ATP10A: variants seen among roughly 807,000 people sequenced by gnomAD.
The protein encoded by ATP10A is phospholipid-transporting ATPase VA.
A neutral mutation model predicts 147.8 loss-of-function variants in ATP10A; 111 were observed. The ratio of observed to expected loss-of-function variants is 0.75; its 90% CI spans 0.64 to 0.88. The LOEUF is 0.88. ATP10A is among the 40% of genes least tolerant of loss of function. ATP10A has a pLI of 0.00. For missense variants in ATP10A, 1,927 were observed against 1,959.0 expected (o/e 0.98, Z 0.31); for synonymous variants, 875 against 841.6 (o/e 1.04, Z -0.69).
At chr15:25,715,352 G>A (rs1901733105) in intron 9 of ATP10A, among the ~76,000 whole-genome samples, 1 of 152,208 alleles carries the variant, frequency 6.6e-6, no homozygotes, top group South Asian at 2.1e-4. Flanking sequence ...ACCAATATGT[G>A]GGAATAGAAA....
At chr15:25,727,084 AAAG>A (rs1212607885) in intron 4 of ATP10A, 73 bp downstream of exon 4, 1 of 1,178,696 alleles carries the variant, frequency 8.5e-7, no homozygotes, top group Non-Finnish European at 1.2e-6. Context: ...AGAAAAAAGA[AAAG>A]AAAACAGTGA....
chr15:25,743,178 A>G (rs1021961120), intron 2 of ATP10A, among the ~76,000 whole-genome samples: 7 of 152,194 alleles, frequency 4.6e-5, no homozygotes, highest in Admixed American at 1.3e-4. Context: ...CCATACTACT[A>G]TTTTAGAGGC....
At chr15:25,809,707 G>A (rs752901893) in intron 1 of ATP10A, among the ~76,000 whole-genome samples, 4 of 101,384 alleles carry the variant, frequency 3.9e-5, no homozygotes, top group Non-Finnish European at 9.3e-5. Context: ...CAGACGGGCT[G>A]GGAAGGCAGG....
intron 1 of ATP10A, among the ~76,000 whole-genome samples, chr15:25,806,309 A>C (rs1341002973): frequency 1.8e-5 from 2 of 114,220 alleles, no homozygotes; most frequent in Non-Finnish European, 4.0e-5. Flanking sequence ...CCTCTGCCTT[A>C]AGATTTTCTT....
intron 1 of ATP10A, among the ~76,000 whole-genome samples, 156 bp from the exon 2 acceptor site, chr15:25,781,379 G>A (rs190559691): frequency 7.4e-4 from 112 of 152,278 alleles, no homozygotes; most frequent in Admixed American, 5.8e-3. Context: ...ATATTTGGCC[G>A]GGTGTGGTGG....
rs528983320 is a variant in ATP10A, at chr15:25,862,910, G to A, written c.187C>T (p.Arg63Trp). The A allele has an allele frequency of 1.7e-5, 27 of 1,608,622 alleles. No individual in the cohort carries two copies. The South Asian group carries it at 2.8e-4, about 16-fold the overall frequency. Residue 63 changes from arginine to tryptophan, a missense_variant, in exon 1 of 21, where the codon CGG (arginine) becomes TGG (tryptophan). Transcript: ENST00000555815. The stretch of plus-strand genomic sequence containing the variant: ...AGCGTGTACTTGGTAGTCTTGAGCC[G>A]GTTGTCGGCCAGGTGCTGGGCACAC... ...RGCAQHLADNRLKTTKYTLLS... is the reference protein window; with the variant it reads ...RGCAQHLADNWLKTTKYTLLS...
intron 1 of ATP10A, among the ~76,000 whole-genome samples, chr15:25,858,502 G>T (rs1444437100): frequency 6.6e-6 from 1 of 152,100 alleles, no homozygotes; most frequent in East Asian, 1.9e-4. Flanking sequence ...AACAAAAGGA[G>T]GACTTTGTTG....
intron 1 of ATP10A, among the ~76,000 whole-genome samples, chr15:25,812,662 C>T (rs1411564994): frequency 6.6e-6 from 1 of 152,094 alleles, no homozygotes; most frequent in Non-Finnish European, 1.5e-5. Context: ...GTTGTTGTTA[C>T]TGGGCTGTCT....
At chr15:25,824,828 T>C (rs879177926) in intron 1 of ATP10A, among the ~76,000 whole-genome samples, 4 of 152,140 alleles carry the variant, frequency 2.6e-5, no homozygotes, top group Non-Finnish European at 5.9e-5. Context: ...GTTTCCGTAT[T>C]TCCTACTCTC....
intron 3 of ATP10A, among the ~76,000 whole-genome samples, chr15:25,732,558 C>CTTTTCTTTT (rs1887002107): frequency 1.2e-5 from 1 of 84,142 alleles, no homozygotes; most frequent in Non-Finnish European, 2.1e-5. Context: ...GCGACACCTT[C>CTTTTCTTTT]TTTTTTTTTT....
chr15:25,794,988 CT>C (rs1890600989), intron 1 of ATP10A, among the ~76,000 whole-genome samples: 1 of 152,190 alleles, frequency 6.6e-6, no homozygotes, highest in African/African-American at 2.4e-5. Flanking sequence ...AGGCCCAAAA[CT>C]CAACTGGCTC....
At chr15:25,861,269 A>G (rs1317260975) in intron 1 of ATP10A, among the ~76,000 whole-genome samples, 1 of 152,206 alleles carries the variant, frequency 6.6e-6, no homozygotes, top group Non-Finnish European at 1.5e-5. Flanking sequence ...TGTAATTTTA[A>G]CAAGCGCCTT....
At position 25,735,464 on chromosome 15, in the gene ATP10A, C is replaced by T. The variant is rs538553120; in HGVS notation, c.740+592G>A. ...CACAGGGCCAGGCCTGTGCCCTGAT[C>T]CACCTGTCTTTCTGTTTTGGAGCAG... is the stretch of plus-strand genomic sequence containing the variant. On this transcript the variant is annotated intron_variant, in intron 3 of 20. Coordinates refer to ENST00000555815, the MANE Select transcript of ATP10A (RefSeq NM_024490.4). Among the ~76,000 whole-genome samples, 7 of 152,286 alleles carry T rather than the reference C, an allele frequency of 4.6e-5. No homozygotes were observed. In the East Asian group the frequency reaches 1.4e-3, roughly 29 times the overall value.
At chr15:25,831,552 C>T (rs1397914399) in intron 1 of ATP10A, among the ~76,000 whole-genome samples, 1 of 152,172 alleles carries the variant, frequency 6.6e-6, no homozygotes, top group East Asian at 1.9e-4. Flanking sequence ...CAATGACAGT[C>T]TTCACAGATT....
At chr15:25,805,517 G>C (rs1456501324) in intron 1 of ATP10A, among the ~76,000 whole-genome samples, 1 of 152,152 alleles carries the variant, frequency 6.6e-6, no homozygotes, top group Non-Finnish European at 1.5e-5. Context: ...TATATATTTT[G>C]ATGGGGAACT....
At chr15:25,821,173 G>GT (rs1249877605) in intron 1 of ATP10A, among the ~76,000 whole-genome samples, 2 of 152,174 alleles carry the variant, frequency 1.3e-5, no homozygotes, top group African/African-American at 4.8e-5. Context: ...GCTAAGACAC[G>GT]TGGATCCTTT....
At chr15:25,784,018 A>T (rs994413077) in intron 1 of ATP10A, among the ~76,000 whole-genome samples, 1 of 152,248 alleles carries the variant, frequency 6.6e-6, no homozygotes, top group African/African-American at 2.4e-5. Flanking sequence ...GGAAGCTATG[A>T]TGACTGAGAC....
At chr15:25,697,595 G>C (rs1432052226) in intron 13 of ATP10A, among the ~76,000 whole-genome samples, 10 of 152,172 alleles carry the variant, frequency 6.6e-5, no homozygotes. Flanking sequence ...CAAAAAGAAG[G>C]AAGATATTTC....
chr15:25,804,493 C>CTG (rs375993151), intron 1 of ATP10A, among the ~76,000 whole-genome samples: 5 of 151,058 alleles, frequency 3.3e-5, no homozygotes, highest in Non-Finnish European at 1.5e-5. Context: ...TGGTGTGTGT[C>CTG]TGTGTGTGTG....
Sources: gnomAD v4.1 joint callset for allele counts (sites outside exome capture counted in the v4.1 genomes callset) on GRCh38, gnomAD v4.1.1 for gene constraint, MANE v1.5 for transcripts, NCBI Gene and HGNC (gene_info 2026-07-23, HGNC 2026-07-21) for gene names.